Variants in TRIM26 observed in about 807,000 individuals in gnomAD.
TRIM26 encodes tripartite motif-containing protein 26.
A neutral mutation model predicts 45.5 loss-of-function variants in TRIM26; 16 were observed. The observed-to-expected ratio is 0.35, with a 90% CI of 0.24 to 0.53. The LOEUF is 0.53. Among genes scored for constraint, TRIM26 ranks in the 20% least tolerant of loss-of-function variants. The probability of loss-of-function intolerance (pLI) is 0.92; values close to 1 mark genes in which losing one functional copy is unlikely to be tolerated. For missense variants in TRIM26, 442 were observed against 691.1 expected, an observed-to-expected ratio of 0.64 and a Z score of 4.04; for synonymous variants, 273 against 290.4, an observed-to-expected ratio of 0.94 and a Z score of 0.61.
chr6:30,191,404 TAAA>T (rs5875241), intron 6 of TRIM26, among the ~76,000 whole-genome samples: 175 of 127,240 alleles, frequency 1.4e-3, no homozygotes, highest in East Asian at 2.3e-3. Flanking sequence ...TCAGAACAGT[TAAA>T]AAAAAAAAAA....
At chr6:30,210,137 G>A (rs1178216354) in intron 1 of TRIM26, among the ~76,000 whole-genome samples, 3 of 151,828 alleles carry the variant, frequency 2.0e-5, no homozygotes, top group Non-Finnish European at 2.9e-5. Context: ...CCCAGGAGGC[G>A]GAGGTTGCAG....
Position 30,198,942 on chromosome 6 carries a change from T to TGGGCAGACG in TRIM26, c.153_161dup (p.Val52_Pro54dup), listed in dbSNP as rs753491788. On this transcript the variant is annotated inframe_insertion, in exon 4 of 10. Coordinates refer to ENST00000454678, the MANE Select transcript of TRIM26 (RefSeq NM_003449.5). This position sits in a 1 kb window ranked among gnomAD's most constrained non-coding sequence, Gnocchi z 6.3. ...CCTTCTTAAAAGGCTTCTTGCAGAG[T>TGGGCAGACG]GGGCAGACGGGGCGGCTCCCTGAGA... 6.2e-6 allele frequency: 10 copies of TGGGCAGACG among 1,612,292 alleles called. No individual in the cohort carries two copies. In the African/African-American group the frequency reaches 1.3e-4, roughly 22 times the overall value.
At chr6:30,202,328 C>T (rs1002225259) in intron 2 of TRIM26, among the ~76,000 whole-genome samples, 3 of 152,042 alleles carry the variant, frequency 2.0e-5, no homozygotes, top group Admixed American at 6.6e-5. Flanking sequence ...TAAGATTAAT[C>T]AGCAAATAAG....
At chr6:30,199,765 T>C (rs1431923531) in intron 3 of TRIM26, among the ~76,000 whole-genome samples, 2 of 151,664 alleles carry the variant, frequency 1.3e-5, no homozygotes, top group African/African-American at 2.4e-5. Flanking sequence ...GCCTCCCGAG[T>C]AGCTGGGACT....
chr6:30,202,587 T>C (rs1356059430), intron 2 of TRIM26, among the ~76,000 whole-genome samples: 1 of 152,232 alleles, frequency 6.6e-6, no homozygotes, highest in African/African-American at 2.4e-5. Context: ...ATGTGCTTTC[T>C]GGCATGGCAC....
chr6:30,185,751 A>G lies in TRIM26; in HGVS notation c.*125T>C, dbSNP rs145367391. The G allele has an allele frequency of 2.2e-3, 2,319 of 1,047,948 alleles. 9 individuals are homozygous for G. Among genetic ancestry groups the G allele is most frequent in the African/African-American group, 0.012 (746 of 62,188 alleles). The allele number at this position is 1,047,948 out of a possible 1,614,324, so 64.9% of individuals were successfully genotyped here. ...GGGCCACAGCAATGGGGAGGTGGCT[A>G]CCAGTGGATATGGGGTCCCCTGCTC... On this transcript the variant is annotated 3_prime_UTR_variant, in exon 10 of 10. Coordinates refer to ENST00000454678, the MANE Select transcript of TRIM26 (RefSeq NM_003449.5). This position sits in a 1 kb window ranked among gnomAD's most constrained non-coding sequence, Gnocchi z 5.7.
chr6:30,208,448 G>C (rs1777932396), intron 1 of TRIM26, among the ~76,000 whole-genome samples: 1 of 151,592 alleles, frequency 6.6e-6, no homozygotes, highest in African/African-American at 2.4e-5. Flanking sequence ...TTTAGACCTA[G>C]GTATACACCC....
chr6:30,197,464 C>T (rs35801310), intron 5 of TRIM26, among the ~76,000 whole-genome samples: 1 of 152,174 alleles, frequency 6.6e-6, no homozygotes, highest in Non-Finnish European at 1.5e-5. Flanking sequence ...CCCACTACTC[C>T]TCCACTGCCC....
Position 30,209,614 on chromosome 6 carries a change from T to C in TRIM26, c.-376+3691A>G, listed in dbSNP as rs139705110. 4.4e-3 allele frequency among the ~76,000 whole-genome samples: 676 copies of C among 152,248 alleles called. 2 individuals carry two copies. Among genetic ancestry groups the C allele is most frequent in the African/African-American group, 0.011 (476 of 41,552 alleles). On this transcript the variant is annotated intron_variant, in intron 1 of 9. Coordinates refer to ENST00000454678, the MANE Select transcript of TRIM26 (RefSeq NM_003449.5). This position sits in a 1 kb window ranked among gnomAD's most constrained non-coding sequence, Gnocchi z 4.8. ...GGATTAAGACAAATAGCATCTTAGA[T>C]TTGGTGAGATGTGGCATATTTCCTA...
At chr6:30,205,699 G>A (rs1013683160) in intron 1 of TRIM26, among the ~76,000 whole-genome samples, 1 of 152,220 alleles carries the variant, frequency 6.6e-6, no homozygotes, top group Non-Finnish European at 1.5e-5. Flanking sequence ...TGAATTAGCT[G>A]GGTGCGATGG....
intron 1 of TRIM26, among the ~76,000 whole-genome samples, chr6:30,210,209 CA>C (rs9278613): frequency 0.43 from 61,939 of 144,966 alleles, 13,046 homozygotes; most frequent in Non-Finnish European, 0.45. Context: ...TGACTCAAAA[CA>C]AAAAAAAAAA....
intron 1 of TRIM26, among the ~76,000 whole-genome samples, chr6:30,212,355 G>C (rs757581371): frequency 2.0e-5 from 3 of 152,086 alleles, no homozygotes; most frequent in Non-Finnish European, 2.9e-5. Context: ...AAAGTACTGA[G>C]GTAAAAACTA....
chr6:30,204,366 G>A (rs1485512386), intron 2 of TRIM26, among the ~76,000 whole-genome samples: 3 of 152,180 alleles, frequency 2.0e-5, no homozygotes, highest in Admixed American at 6.5e-5. Context: ...CTTTGTAAGC[G>A]GAGTAATGCT....
rs1776680555 is a variant in TRIM26, at chr6:30,198,088, A to G, written c.534+341T>C. ...AACCTTGTCTCTCTCTCTCTCTTTG[A>G]AAGGAAGAATGAAGCCACACCTTCT... On this transcript the variant is annotated intron_variant, in intron 5 of 9. Transcript: ENST00000454678. The surrounding 1 kb of genome is among the most constrained non-coding windows in gnomAD (Gnocchi z 6.3). Among the ~76,000 whole-genome samples, 1 of 152,118 alleles carries G rather than the reference A, an allele frequency of 6.6e-6. No individual in the cohort carries two copies. The highest frequency in any genetic ancestry group is 2.4e-5 in the African/African-American group (1 of 41,416).
Position 30,198,711 on chromosome 6 carries a change from C to A in TRIM26, c.393G>T (p.Arg131Ser). The A allele has an allele frequency of 5.0e-6, 8 of 1,604,944 alleles. No homozygotes were observed. The highest frequency in any genetic ancestry group is 6.8e-6 in the Non-Finnish European group (8 of 1,179,802). ...CVMCRESREH[R>S]PHTAVLMEKA... ...TCTCCATGAGGACGGCCGTGTGGGGCCTGTGCTCCCGGGACTCCCGGCACA... is the reference window on the plus strand; with the variant it reads ...TCTCCATGAGGACGGCCGTGTGGGGACTGTGCTCCCGGGACTCCCGGCACA... Residue 131 changes from arginine to serine, a missense_variant, in exon 4 of 10, where the codon AGG (arginine) becomes AGT (serine). Coordinates refer to ENST00000454678, the MANE Select transcript of TRIM26 (RefSeq NM_003449.5). The surrounding 1 kb of genome is among the most constrained non-coding windows in gnomAD (Gnocchi z 6.3).
At position 30,196,547 on chromosome 6, in the gene TRIM26, T is replaced by C. The variant is rs962252073; in HGVS notation, c.734A>G (p.Lys245Arg). Residue 245 changes from lysine to arginine, a missense_variant, in exon 6 of 10, where the codon AAG becomes AGG. Physicochemically the swap from Lys to Arg is conservative, Grantham distance 26. Transcript: ENST00000454678. This position sits in a 1 kb window ranked among gnomAD's most constrained non-coding sequence, Gnocchi z 4.9. ...LALVISELEGKAQQPAAELMQ... is the reference protein window; with the variant it reads ...LALVISELEGRAQQPAAELMQ... ...GAGCTCTGCAGCTGGCTGCTGCGCC[T>C]TGCCCTCCAGTTCGGAGATGACCAG... 1.2e-5 allele frequency: 20 copies of C among 1,610,504 alleles called. No homozygotes were observed. The highest frequency in any genetic ancestry group is 1.7e-5 in the Non-Finnish European group (20 of 1,180,010).
chr6:30,205,235 T>C (rs917151183), intron 1 of TRIM26, among the ~76,000 whole-genome samples: 18 of 151,486 alleles, frequency 1.2e-4, no homozygotes, highest in Non-Finnish European at 1.8e-4. Context: ...AGAGCAAAAC[T>C]CCATCTCAAA....
chr6:30,211,587 C>G (rs767086983), intron 1 of TRIM26, among the ~76,000 whole-genome samples: 6 of 152,114 alleles, frequency 3.9e-5, no homozygotes, highest in Non-Finnish European at 5.9e-5. Context: ...GTCTCCTTAC[C>G]TCTTAACAAG....
chr6:30,187,563 G>C, intron 9 of TRIM26: 1 of 470,104 alleles, frequency 2.1e-6, no homozygotes, highest in East Asian at 6.1e-5. Flanking sequence ...TTGGCGGAAG[G>C]TGCTACTCTC....
Sources: allele counts gnomAD v4.1 joint callset (sites outside exome capture counted in the v4.1 genomes callset), GRCh38; gene constraint gnomAD v4.1.1; non-coding constraint Gnocchi (gnomAD v3.1); transcripts MANE v1.5; gene names NCBI Gene and HGNC (gene_info 2026-07-23, HGNC 2026-07-21).